Variants in LTBP1 observed in about 807,000 individuals in gnomAD.
LTBP1 encodes latent-transforming growth factor beta-binding protein 1.
LTBP1 carries 129 observed loss-of-function variants against 207.6 expected under a neutral mutation model. That is an observed-to-expected ratio of 0.62 (90% confidence interval 0.54 to 0.72). The LOEUF is 0.72. LTBP1 is among the 30% of genes least tolerant of loss of function. LTBP1 has a pLI of 0.00. For missense variants in LTBP1, 2,281 were observed against 2,217.2 expected (o/e 1.03, Z -0.58); for synonymous variants, 963 against 833.7 (o/e 1.16, Z -2.67).
chr2:33,179,062 G>C (rs1461543079), intron 5 of LTBP1, among the ~76,000 whole-genome samples: 1 of 144,302 alleles, frequency 6.9e-6, no homozygotes, highest in African/African-American at 2.5e-5. Flanking sequence ...TTTATTTGCT[G>C]TTTTTAAAAA....
chr2:33,383,061 A>G (rs2095234190), intron 31 of LTBP1, among the ~76,000 whole-genome samples: 1 of 152,244 alleles, frequency 6.6e-6, no homozygotes, highest in South Asian at 2.1e-4. Context: ...TCATTTAAAG[A>G]AAAGTGCCCA....
rs541715457 is a variant in LTBP1, at chr2:33,058,879, T to C, written c.863+37673T>C. ...AGCTACAGAAGTGCTGAATATGACCTGCACGTGTTGAAATGGCAGTGCTGC... is the reference window on the plus strand; with the variant it reads ...AGCTACAGAAGTGCTGAATATGACCCGCACGTGTTGAAATGGCAGTGCTGC... On this transcript the variant is annotated intron_variant, in intron 3 of 33. Coordinates refer to ENST00000404816, the MANE Select transcript of LTBP1 (RefSeq NM_206943.4). 8.5e-5 allele frequency among the ~76,000 whole-genome samples: 13 copies of C among 152,352 alleles called. No homozygotes were observed. The South Asian group carries it at 2.7e-3, about 32-fold the overall frequency.
chr2:32,988,649 C>A (rs552996530), intron 2 of LTBP1, among the ~76,000 whole-genome samples: 109 of 152,176 alleles, frequency 7.2e-4, no homozygotes, highest in Non-Finnish European at 1.2e-3. Context: ...GTAACAAGCA[C>A]GAGACTTATT....
intron 5 of LTBP1, among the ~76,000 whole-genome samples, chr2:33,167,112 T>G (rs941381491): frequency 2.0e-5 from 3 of 152,190 alleles, no homozygotes; most frequent in Admixed American, 2.0e-4. Flanking sequence ...GAAATTGCAT[T>G]ATTTAATTAA....
chr2:33,211,617 C>T (rs956407555), intron 7 of LTBP1, among the ~76,000 whole-genome samples: 2 of 152,204 alleles, frequency 1.3e-5, no homozygotes. Context: ...ACTGCTGGAT[C>T]CTCCTTCCCC....
chr2:33,036,704 C>T (rs2075943018), intron 3 of LTBP1, among the ~76,000 whole-genome samples: 1 of 152,172 alleles, frequency 6.6e-6, no homozygotes, highest in South Asian at 2.1e-4. Context: ...TTGATCCACC[C>T]ACCTTGTCTT....
Position 32,947,506 on chromosome 2 carries a change from G to T in LTBP1, c.182G>T (p.Arg61Met). The change falls in exon 1 of 34, where the codon AGG (arginine) becomes ATG (methionine). Residue 61 changes from arginine (R) to methionine (M), a missense_variant. Around this residue, in one of 3 missense-constraint regions of LTBP1, gnomAD observed 555 missense variants for 491.0 expected, o/e 1.13. Coordinates refer to ENST00000404816, the MANE Select transcript of LTBP1 (RefSeq NM_206943.4). ...ACATTCAACGTCGCGCTCAACGCCA[G>T]GTACAGCCGCAGCTCGGCGGCTGCC... ...SRTFNVALNA[R>M]YSRSSAAAGA... The T allele has an allele frequency of 2.1e-6, 3 of 1,426,478 alleles. No individual in the cohort carries two copies. Among genetic ancestry groups the T allele is most frequent in the Non-Finnish European group, 2.7e-6 (3 of 1,092,002 alleles). 88.4% of individuals were successfully genotyped at this position (1,426,478 alleles called of 1,614,324 possible).
intron 2 of LTBP1, among the ~76,000 whole-genome samples, chr2:32,957,367 C>T (rs1678251094): frequency 1.3e-5 from 2 of 152,244 alleles, no homozygotes; most frequent in South Asian, 4.1e-4. Flanking sequence ...GTGAGTCTTC[C>T]GTTCACTTGA....
At chr2:33,160,528 ATCT>A (rs2084373008) in intron 5 of LTBP1, among the ~76,000 whole-genome samples, 1 of 152,200 alleles carries the variant, frequency 6.6e-6, no homozygotes, top group Non-Finnish European at 1.5e-5. Flanking sequence ...GAGGTACCAC[ATCT>A]TCTTTCTATT....
rs1325550981 is a variant in LTBP1, at chr2:33,021,065, C to G, written c.722C>G (p.Ser241Trp). The G allele has an allele frequency of 6.2e-7, 1 of 1,614,088 alleles. No individual in the cohort carries two copies. ...GGGCAGAGTCCTGGGGCTGCTTCCT[C>G]GTGGGGCCCTCCTGAGCAAGCAGCA... ...FGGQSPGAAS[S>W]WGPPEQAAKH... Residue 241 changes from serine to tryptophan, a missense_variant, in exon 3 of 34, where the codon TCG becomes TGG. This residue lies in a region of LTBP1 where 555 missense variants were observed against 491.0 expected (regional missense o/e 1.13). Coordinates refer to ENST00000404816, the MANE Select transcript of LTBP1 (RefSeq NM_206943.4).
chr2:33,218,286 T>C (rs1337410508), intron 8 of LTBP1, among the ~76,000 whole-genome samples: 1 of 152,246 alleles, frequency 6.6e-6, no homozygotes, highest in Admixed American at 6.5e-5. Context: ...TCAGAACATG[T>C]TGATTTGAAT....
chr2:33,023,647 A>C (rs570097429), intron 3 of LTBP1, among the ~76,000 whole-genome samples: 1 of 152,214 alleles, frequency 6.6e-6, no homozygotes, highest in Non-Finnish European at 1.5e-5. Context: ...TGATATTAAT[A>C]AACTATATAG....
intron 9 of LTBP1, among the ~76,000 whole-genome samples, chr2:33,228,097 G>A (rs552559789): frequency 3.9e-5 from 6 of 151,982 alleles, no homozygotes; most frequent in Admixed American, 3.9e-4. Context: ...GAGCCACCAC[G>A]CCCGGCCAAG....
intron 5 of LTBP1, among the ~76,000 whole-genome samples, chr2:33,150,849 C>T (rs543565132): frequency 1.3e-5 from 2 of 150,982 alleles, no homozygotes; most frequent in South Asian, 2.1e-4. Context: ...GATTCTCTTG[C>T]CTCAGCCTCC....
intron 3 of LTBP1, among the ~76,000 whole-genome samples, chr2:33,066,724 C>T (rs573462598): frequency 5.2e-4 from 79 of 152,260 alleles, no homozygotes; most frequent in Middle Eastern, 6.8e-3. Context: ...TCAAATGTTT[C>T]ATTATAGCAG....
At chr2:33,135,184 GC>G (rs1473812342) in intron 5 of LTBP1, among the ~76,000 whole-genome samples, 4 of 152,120 alleles carry the variant, frequency 2.6e-5, no homozygotes, top group Non-Finnish European at 5.9e-5. Flanking sequence ...TTCCCTTATT[GC>G]TTAGCATTTA....
At chr2:33,098,978 A>G (rs916446282) in intron 3 of LTBP1, among the ~76,000 whole-genome samples, 3 of 152,222 alleles carry the variant, frequency 2.0e-5, no homozygotes, top group Non-Finnish European at 2.9e-5. Flanking sequence ...TTGTTCTAGT[A>G]TAAGAAGATT....
chr2:33,113,239 A>G (rs138788502), intron 4 of LTBP1, among the ~76,000 whole-genome samples: 3 of 152,336 alleles, frequency 2.0e-5, no homozygotes, highest in Non-Finnish European at 4.4e-5. Flanking sequence ...TTGATATATT[A>G]CAAGAGCAAT....
At chr2:33,071,374 A>G (rs2077778772) in intron 3 of LTBP1, among the ~76,000 whole-genome samples, 2 of 152,242 alleles carry the variant, frequency 1.3e-5, no homozygotes, top group African/African-American at 2.4e-5. Flanking sequence ...GTGATGTCCC[A>G]TCATGTTTGT....
Sources: gnomAD v4.1 joint callset for allele counts (sites outside exome capture counted in the v4.1 genomes callset) on GRCh38, gnomAD v4.1.1 for gene constraint, gnomAD v4.1.1 regional missense constraint, MANE v1.5 for transcripts, NCBI Gene and HGNC (gene_info 2026-07-23, HGNC 2026-07-21) for gene names.